Variants in XKR4 observed in about 807,000 individuals in gnomAD.
XKR4 encodes XK-related protein 4.
Under a neutral mutation model 53.9 loss-of-function variants are expected in XKR4, and 12 were observed. That is an observed-to-expected ratio of 0.22 (90% CI 0.14 to 0.36). The LOEUF (loss-of-function observed/expected upper bound fraction) is 0.36. XKR4 is among the 10% of genes least tolerant of loss of function. XKR4 has a pLI of 1.00. For missense variants in XKR4, 799 were observed against 859.5 expected (o/e 0.93, Z 0.88); for synonymous variants, 354 against 362.4 (o/e 0.98, Z 0.26).
intron 1 of XKR4, among the ~76,000 whole-genome samples, chr8:55,235,413 G>A (rs796996117): frequency 6.6e-6 from 1 of 152,094 alleles, no homozygotes. Context: ...GTAAAATATG[G>A]ATGCAAAAAA....
chr8:55,121,316 C>T (rs528543895), intron 1 of XKR4, among the ~76,000 whole-genome samples: 2 of 152,228 alleles, frequency 1.3e-5, no homozygotes, highest in East Asian at 1.9e-4. Flanking sequence ...GTGGCTGTAC[C>T]GTTTCACATT....
intron 2 of XKR4, among the ~76,000 whole-genome samples, chr8:55,480,400 C>A (rs1806081860): frequency 6.6e-6 from 1 of 152,246 alleles, no homozygotes; most frequent in South Asian, 2.1e-4. Context: ...TGGGACGTAT[C>A]TCAAAATTAT....
chr8:55,262,220 A>G (rs968658401), intron 1 of XKR4, among the ~76,000 whole-genome samples: 3 of 152,264 alleles, frequency 2.0e-5, no homozygotes, highest in Non-Finnish European at 2.9e-5. Flanking sequence ...TTTATTAAGT[A>G]CCTTCTGTGA....
chr8:55,128,312 C>T (rs1196437267), intron 1 of XKR4, among the ~76,000 whole-genome samples: 1 of 152,198 alleles, frequency 6.6e-6, no homozygotes, highest in Non-Finnish European at 1.5e-5. Context: ...GATGATATCT[C>T]ATTGTAGTGC....
chr8:55,450,877 C>T, intron 2 of XKR4: 2 of 471,086 alleles, frequency 4.2e-6, no homozygotes, highest in Admixed American at 3.3e-5. Flanking sequence ...GAGCTCCCCC[C>T]TCCCAGCACC....
chr8:55,452,879 G>C (rs776875215), intron 2 of XKR4: 3 of 777,574 alleles, frequency 3.9e-6, no homozygotes, highest in Non-Finnish European at 7.0e-6. Flanking sequence ...GAGGCAGCAG[G>C]AGGTAGCTCA....
chr8:55,399,378 G>A (rs1434604676), intron 2 of XKR4, among the ~76,000 whole-genome samples: 2 of 152,218 alleles, frequency 1.3e-5, no homozygotes, highest in Admixed American at 1.3e-4. Flanking sequence ...TCTGGAATGC[G>A]CCAGTAGCTA....
intron 1 of XKR4, among the ~76,000 whole-genome samples, chr8:55,166,226 A>C (rs1817063980): frequency 6.6e-6 from 1 of 152,086 alleles, no homozygotes. Flanking sequence ...TGGTTATAGA[A>C]GGTATATTCT....
At chr8:55,141,956 C>T (rs1365089781) in intron 1 of XKR4, among the ~76,000 whole-genome samples, 1 of 152,094 alleles carries the variant, frequency 6.6e-6, no homozygotes, top group African/African-American at 2.4e-5. Context: ...CAGAGCAGAC[C>T]CTTCCCCAGG....
intron 1 of XKR4, among the ~76,000 whole-genome samples, chr8:55,204,992 T>G (rs1023794452): frequency 2.9e-4 from 44 of 152,218 alleles, no homozygotes; most frequent in African/African-American, 9.4e-4. Context: ...TCAGATCATG[T>G]GTCAGGCGTA....
At chr8:55,391,859 A>C (rs775193970) in intron 2 of XKR4, among the ~76,000 whole-genome samples, 30 of 152,218 alleles carry the variant, frequency 2.0e-4, no homozygotes, top group Non-Finnish European at 3.5e-4. Flanking sequence ...TAACTTAGTG[A>C]GACATATTCT....
intron 1 of XKR4, among the ~76,000 whole-genome samples, chr8:55,205,037 A>G (rs1817626568): frequency 6.6e-6 from 1 of 152,218 alleles, no homozygotes; most frequent in Non-Finnish European, 1.5e-5. Context: ...CGAACTGTGA[A>G]GACAGTTCCC....
At chr8:55,402,926 CAGA>C (rs1212222759) in intron 2 of XKR4, among the ~76,000 whole-genome samples, 1 of 152,190 alleles carries the variant, frequency 6.6e-6, no homozygotes, top group Non-Finnish European at 1.5e-5. Flanking sequence ...ACTCAGAAAA[CAGA>C]CCTCTTTCAG....
At chr8:55,157,851 ATC>A (rs201733165) in intron 1 of XKR4, among the ~76,000 whole-genome samples, 4,612 of 152,098 alleles carry the variant, frequency 0.03, 179 homozygotes, top group East Asian at 0.12. Context: ...AAAGGACATG[ATC>A]TCTCTCTCTT....
chr8:55,169,264 G>C (rs886882011), intron 1 of XKR4, among the ~76,000 whole-genome samples: 1 of 152,220 alleles, frequency 6.6e-6, no homozygotes, highest in African/African-American at 2.4e-5. Context: ...GTGGCTCGTA[G>C]TTCTTTAAGC....
chr8:55,429,733 G>GAAA (rs113639586), intron 2 of XKR4, among the ~76,000 whole-genome samples: 6,705 of 138,768 alleles, frequency 0.048, 417 homozygotes, highest in African/African-American at 0.15. Flanking sequence ...TGTCTTTCTG[G>GAAA]AAAAAAAAAA....
intron 2 of XKR4, among the ~76,000 whole-genome samples, chr8:55,510,913 C>G (rs911738614): frequency 6.6e-6 from 1 of 152,166 alleles, no homozygotes; most frequent in Admixed American, 6.5e-5. Context: ...CTTCTGAGCC[C>G]TTGGGGTCCT....
rs1478508844 is a variant in XKR4 at position 55,535,460 on chromosome 8, A to G, written c.*11233A>G. ...TATTTTCAATTGCCCAGCAATGAAAACTAACAAGTTAAAGAAAATGTTCAT... is the reference window on the plus strand; with the variant it reads ...TATTTTCAATTGCCCAGCAATGAAAGCTAACAAGTTAAAGAAAATGTTCAT... On this transcript the variant is annotated 3_prime_UTR_variant, in exon 3 of 3. Transcript: ENST00000327381. 20 of 149,234 alleles carry G rather than the reference A, an allele frequency of 1.3e-4. No homozygotes were observed. The Admixed American group carries it at 1.3e-3, about 10-fold the overall frequency. The allele number at this position is 149,234 out of a possible 1,614,324, so 9.2% of individuals were successfully genotyped here.
At chr8:55,140,979 TACC>T (rs1450424217) in intron 1 of XKR4, among the ~76,000 whole-genome samples, 2 of 152,206 alleles carry the variant, frequency 1.3e-5, no homozygotes, top group African/African-American at 4.8e-5. Context: ...ATAACTCACA[TACC>T]ACACAATTCA....
Sources: gnomAD v4.1 joint callset for allele counts (sites outside exome capture counted in the v4.1 genomes callset) on GRCh38, gnomAD v4.1.1 for gene constraint, MANE v1.5 for transcripts, NCBI Gene and HGNC (gene_info 2026-07-23, HGNC 2026-07-21) for gene names.